Variants in TENT2 observed in about 807,000 individuals in gnomAD.
The protein encoded by TENT2 is poly(A) RNA polymerase GLD2.
In TENT2, 44 loss-of-function variants were observed where a neutral mutation model predicts 72.2. The observed-to-expected ratio is 0.61, with a 90% CI of 0.48 to 0.78. The LOEUF is 0.78. Among genes scored for constraint, TENT2 ranks in the 30% least tolerant of loss-of-function variants. The pLI is 0.00. For synonymous variants in TENT2, 212 were observed against 192.5 expected (o/e 1.10, Z -0.84); for missense variants, 541 against 569.6 (o/e 0.95, Z 0.51).
chr5:79,627,496 G>A (rs1312552798), intron 4 of TENT2, among the ~76,000 whole-genome samples: 2 of 151,260 alleles, frequency 1.3e-5, no homozygotes, highest in African/African-American at 2.4e-5. Flanking sequence ...CTTTTTTTTC[G>A]TTTTTTGAGA....
intron 10 of TENT2, among the ~76,000 whole-genome samples, chr5:79,652,173 A>T (rs1016708762): frequency 6.6e-6 from 1 of 151,928 alleles, no homozygotes; most frequent in Non-Finnish European, 1.5e-5. Flanking sequence ...ATGTAAAGCT[A>T]TTTTTTTATG....
At chr5:79,658,731 G>A (rs1337730164) in intron 11 of TENT2, among the ~76,000 whole-genome samples, 3 of 152,136 alleles carry the variant, frequency 2.0e-5, no homozygotes, top group South Asian at 2.1e-4. Context: ...GCTACATGAA[G>A]CTCTTTTTAC....
At chr5:79,614,091 C>CTTTTTT (rs530001400) in intron 1 of TENT2, 2 of 78,456 alleles carry the variant, frequency 2.5e-5, no homozygotes, top group Non-Finnish European at 4.6e-5. Context: ...AGGAATTAAT[C>CTTTTTT]TTTTTTTTTT....
intron 14 of TENT2, among the ~76,000 whole-genome samples, chr5:79,683,341 A>C (rs1051484532): frequency 1.3e-4 from 19 of 142,840 alleles, no homozygotes; most frequent in South Asian, 4.4e-4. Flanking sequence ...ACACACACAC[A>C]CCCCACCTCA....
intron 11 of TENT2, among the ~76,000 whole-genome samples, chr5:79,664,152 T>C (rs552047615): frequency 6.6e-5 from 10 of 152,296 alleles, no homozygotes; most frequent in South Asian, 2.1e-4. Context: ...TAAGGGACTT[T>C]AGCATCCCCT....
chr5:79,621,182 G>T (rs541628804), intron 3 of TENT2, among the ~76,000 whole-genome samples: 22 of 151,898 alleles, frequency 1.4e-4, no homozygotes, highest in African/African-American at 4.8e-4. Flanking sequence ...TACAACTAAC[G>T]GTTTGATTAA....
At chr5:79,630,771 T>A (rs1486631546) in intron 4 of TENT2, among the ~76,000 whole-genome samples, 1 of 151,070 alleles carries the variant, frequency 6.6e-6, no homozygotes, top group African/African-American at 2.4e-5. Flanking sequence ...CAAGGACTAT[T>A]AGGCCATTTT....
At chr5:79,641,238 A>G (rs1222820864) in intron 6 of TENT2, 42 bp downstream of exon 6, 1 of 1,462,476 alleles carries the variant, frequency 6.8e-7, no homozygotes, top group Non-Finnish European at 9.2e-7. Flanking sequence ...TTCTCATGTT[A>G]ATGAGTTAAG....
chr5:79,627,424 C>T (rs1771256360), intron 4 of TENT2, among the ~76,000 whole-genome samples: 1 of 152,112 alleles, frequency 6.6e-6, no homozygotes, highest in Non-Finnish European at 1.5e-5. Flanking sequence ...AGAGATACTC[C>T]TAAATATTTA....
chr5:79,651,455 A>C (rs1255819848), intron 10 of TENT2, among the ~76,000 whole-genome samples: 1 of 141,492 alleles, frequency 7.1e-6, no homozygotes, highest in African/African-American at 3.0e-5. Flanking sequence ...AGAACCAAAA[A>C]ACTGCTACCA....
At chr5:79,647,101 G>C (rs147490923) in intron 8 of TENT2, among the ~76,000 whole-genome samples, 1 of 152,056 alleles carries the variant, frequency 6.6e-6, no homozygotes, top group East Asian at 1.9e-4. Flanking sequence ...CATATCTCAT[G>C]AATATTTGGT....
chr5:79,661,843 T>C (rs977575752), intron 11 of TENT2, among the ~76,000 whole-genome samples: 7 of 152,188 alleles, frequency 4.6e-5, no homozygotes, highest in Admixed American at 3.9e-4. Flanking sequence ...TTCTCTATAG[T>C]GTATGATGAT....
intron 1 of TENT2, among the ~76,000 whole-genome samples, chr5:79,617,836 A>G (rs1170095994): frequency 6.6e-6 from 1 of 152,202 alleles, no homozygotes; most frequent in East Asian, 1.9e-4. Context: ...CCGTTTGTTT[A>G]TAACATTTTC....
At position 79,659,553 on chromosome 5, in the gene TENT2, A is replaced by AATGTAT. The variant is rs1174405904; in HGVS notation, c.1071+2555_1071+2560dup. Among the ~76,000 whole-genome samples, 4 of 26,858 alleles carry AATGTAT rather than the reference A, an allele frequency of 1.5e-4. 1 individual carries two copies. The highest frequency in any genetic ancestry group is 1.0e-3 in the African/African-American group (4 of 3,992). 17.6% of individuals were successfully genotyped at this position (26,858 alleles called of 152,430 possible). A position where few individuals can be genotyped will look rare whatever the true frequency, so the allele number is the denominator to read the frequency against. On this transcript the variant is annotated intron_variant, in intron 11 of 14. Transcript: ENST00000453514. Reference sequence around the variant, plus strand: ...TCTCAAAAAAAAAAAAAAAAAAAAAAATGTATATATATATATATATATATA... The same window carrying AATGTAT: ...TCTCAAAAAAAAAAAAAAAAAAAAAAATGTATATGTATATATATATATATATATATA...
intron 13 of TENT2, among the ~76,000 whole-genome samples, chr5:79,681,442 G>T (rs570370049): frequency 6.6e-6 from 1 of 152,144 alleles, no homozygotes; most frequent in African/African-American, 2.4e-5. Context: ...ACAGGCGTGA[G>T]CCACTGTGTC....
chr5:79,676,189 C>G (rs1431722321), intron 12 of TENT2, among the ~76,000 whole-genome samples: 11 of 148,212 alleles, frequency 7.4e-5, no homozygotes, highest in Non-Finnish European at 4.4e-5. Context: ...CACACACACA[C>G]AGCCATATGG....
chr5:79,621,622 G>A (rs555695068), intron 3 of TENT2, among the ~76,000 whole-genome samples: 110 of 151,818 alleles, frequency 7.2e-4, no homozygotes, highest in African/African-American at 2.6e-3. Flanking sequence ...GCCGAGTGTG[G>A]TGGCACATAC....
intron 12 of TENT2, among the ~76,000 whole-genome samples, chr5:79,671,633 T>G (rs1334989003): frequency 6.6e-6 from 1 of 152,066 alleles, no homozygotes; most frequent in Non-Finnish European, 1.5e-5. Flanking sequence ...GGTCTTGAAC[T>G]CCTGACCTCA....
In TENT2 at chr5:79,677,735, C is replaced by T. The variant is rs567993891; in HGVS notation, c.1209-1844C>T. ...TCAGGTTTGTGGCTATATAACTCCC[C>T]TCTTCACATTGTTGTTGTAAAGAAA... On this transcript the variant is annotated intron_variant, in intron 12 of 14. Transcript: ENST00000453514. Among the ~76,000 whole-genome samples the T allele has an allele frequency of 2.0e-4, 31 of 152,318 alleles. 2 individuals carry two copies. In the South Asian group the frequency reaches 6.4e-3, roughly 32 times the overall value.
Sources: allele counts gnomAD v4.1 joint callset (sites outside exome capture counted in the v4.1 genomes callset), GRCh38; gene constraint gnomAD v4.1.1; transcripts MANE v1.5; gene names NCBI Gene and HGNC (gene_info 2026-07-23, HGNC 2026-07-21).